The following GALNT13 variants were observed in gnomAD, a reference collection of about 807,000 sequenced individuals.
GALNT13 encodes UDP-GalNAc:polypeptide N-acetylgalactosaminyltransferase 13.
GALNT13 carries 28 observed loss-of-function variants against 64.2 expected under a neutral mutation model. The ratio of observed to expected loss-of-function variants is 0.44; its 90% CI spans 0.32 to 0.60. GALNT13 has a LOEUF of 0.60. GALNT13 is among the 20% of genes least tolerant of loss of function. The pLI is 0.05. For missense variants in GALNT13, 577 were observed against 669.8 expected (o/e 0.86, Z 1.53); for synonymous variants, 214 against 224.6 (o/e 0.95, Z 0.42).
intron 4 of GALNT13, among the ~76,000 whole-genome samples, chr2:154,212,519 C>A (rs1041879981): frequency 2.6e-5 from 4 of 152,192 alleles, no homozygotes; most frequent in Admixed American, 2.6e-4. Flanking sequence ...GCTGGGATTA[C>A]AAGCGTGAGC....
the GALNT13 span, among the ~76,000 whole-genome samples, chr2:153,127,276 C>A: frequency 6.6e-6 from 1 of 152,110 alleles, no homozygotes; most frequent in Admixed American, 6.5e-5. Context: ...TGATTTCACC[C>A]TTCAGCATAC....
the GALNT13 span, among the ~76,000 whole-genome samples, chr2:153,190,183 A>G: frequency 2.0e-4 from 31 of 151,966 alleles, no homozygotes; most frequent in Non-Finnish European, 8.8e-5. Context: ...CCAATGTCCT[A>G]TAGTGTTTCC....
chr2:154,171,849 G>A (rs1428421985), intron 4 of GALNT13, among the ~76,000 whole-genome samples: 2 of 152,000 alleles, frequency 1.3e-5, no homozygotes, highest in Non-Finnish European at 2.9e-5. Context: ...ATTATGGGTT[G>A]TGGTAACTCT....
At chr2:153,672,621 C>T in the GALNT13 span, among the ~76,000 whole-genome samples, 1 of 151,904 alleles carries the variant, frequency 6.6e-6, no homozygotes, top group African/African-American at 2.4e-5. Flanking sequence ...AAATCAGCAC[C>T]CTAACATCAC....
chr2:154,026,520 A>G (rs1326855368), intron 3 of GALNT13, among the ~76,000 whole-genome samples: 2 of 152,148 alleles, frequency 1.3e-5, no homozygotes, highest in Non-Finnish European at 2.9e-5. Context: ...CCATTTTAGG[A>G]TCTGGAAGTC....
the GALNT13 span, among the ~76,000 whole-genome samples, chr2:153,495,141 A>G: frequency 6.6e-5 from 10 of 152,122 alleles, no homozygotes; most frequent in African/African-American, 2.4e-4. Flanking sequence ...TAAAAAGAAT[A>G]TACTAAGTGT....
chr2:153,404,379 A>T, the GALNT13 span, among the ~76,000 whole-genome samples: 1 of 152,220 alleles, frequency 6.6e-6, no homozygotes. Flanking sequence ...TCAATCAACT[A>T]AATCCAATGC....
chr2:153,520,067 A>G, the GALNT13 span, among the ~76,000 whole-genome samples: 1 of 152,224 alleles, frequency 6.6e-6, no homozygotes, highest in Non-Finnish European at 1.5e-5. Flanking sequence ...AAATTAAACT[A>G]TTAAACATAT....
the GALNT13 span, among the ~76,000 whole-genome samples, chr2:153,496,866 C>T: frequency 5.3e-5 from 8 of 151,622 alleles, no homozygotes; most frequent in South Asian, 1.0e-3. Context: ...TGGTGGTGCA[C>T]GCCTGTAGTC....
chr2:154,268,722 T>C (rs1202645531), intron 8 of GALNT13, among the ~76,000 whole-genome samples: 2 of 152,114 alleles, frequency 1.3e-5, no homozygotes, highest in Non-Finnish European at 2.9e-5. Flanking sequence ...TAAACCTCTA[T>C]ACTTTAGGTT....
At chr2:153,093,153 T>C in the GALNT13 span, among the ~76,000 whole-genome samples, 1 of 152,134 alleles carries the variant, frequency 6.6e-6, no homozygotes, top group African/African-American at 2.4e-5. Context: ...GTGTACCACA[T>C]TGATTACATG....
the GALNT13 span, among the ~76,000 whole-genome samples, chr2:153,471,701 A>T: frequency 6.1e-3 from 921 of 152,218 alleles, 7 homozygotes; most frequent in African/African-American, 0.02. Flanking sequence ...GCAATACATA[A>T]TCTTTGACTT....
the GALNT13 span, among the ~76,000 whole-genome samples, chr2:153,381,771 A>C: frequency 2.3e-4 from 35 of 152,224 alleles, no homozygotes; most frequent in Non-Finnish European, 3.8e-4. Flanking sequence ...TTAGAAATTG[A>C]CATTTGATTA....
chr2:153,647,937 T>C, the GALNT13 span, among the ~76,000 whole-genome samples: 3 of 152,190 alleles, frequency 2.0e-5, no homozygotes, highest in Non-Finnish European at 4.4e-5. Flanking sequence ...TAGGATTGAA[T>C]TGGCAATGTG....
the GALNT13 span, among the ~76,000 whole-genome samples, chr2:153,247,017 G>C: frequency 6.6e-6 from 1 of 152,026 alleles, no homozygotes; most frequent in East Asian, 1.9e-4. Flanking sequence ...GATAAAACAG[G>C]CTTTAAACCA....
the GALNT13 span, chr2:153,420,775 C>A: frequency 8.6e-6 from 2 of 232,128 alleles, no homozygotes; most frequent in Non-Finnish European, 1.9e-5. Context: ...GCTTCTTCTC[C>A]CATCTCCTCA....
At chr2:154,243,037 G>A (rs547804320) in intron 6 of GALNT13, 132 bp downstream of exon 6, 33 of 664,846 alleles carry the variant, frequency 5.0e-5, no homozygotes, top group Admixed American at 3.4e-4. Flanking sequence ...TTAAAAGCAC[G>A]TTTTCCCACT....
At chr2:153,573,608 T>C in the GALNT13 span, among the ~76,000 whole-genome samples, 1 of 152,088 alleles carries the variant, frequency 6.6e-6, no homozygotes, top group East Asian at 1.9e-4. Context: ...CCATTGCATG[T>C]TTTTTGGTTT....
intron 3 of GALNT13, among the ~76,000 whole-genome samples, chr2:153,984,359 T>C (rs1362427151): frequency 6.6e-6 from 1 of 151,804 alleles, no homozygotes; most frequent in Non-Finnish European, 1.5e-5. Context: ...AGGGGCTATA[T>C]AGTAAAGGAT....
Sources: allele counts gnomAD v4.1 joint callset (sites outside exome capture counted in the v4.1 genomes callset), GRCh38; gene constraint gnomAD v4.1.1; transcripts MANE v1.5; gene names NCBI Gene and HGNC (gene_info 2026-07-23, HGNC 2026-07-21).